Variants in MROH9 observed in about 807,000 individuals in gnomAD.
MROH9 encodes maestro heat-like repeat-containing protein family member 9.
In MROH9, 92 loss-of-function variants were observed where a neutral mutation model predicts 98.2. The ratio of observed to expected loss-of-function variants is 0.94; its 90% CI spans 0.79 to 1.11. The LOEUF (loss-of-function observed/expected upper bound fraction) is 1.11, where lower values mean the gene tolerates loss of function less well. Ranked by LOEUF, MROH9 falls within the 50% of genes most tolerant of loss-of-function variation. MROH9 has a pLI of 0.00. For missense variants in MROH9, 1,057 were observed against 1,014.8 expected, an observed-to-expected ratio of 1.04 and a Z score of -0.57; for synonymous variants, 397 against 368.9, an observed-to-expected ratio of 1.08 and a Z score of -0.87.
intron 21 of MROH9, among the ~76,000 whole-genome samples, 185 bp from the exon 22 acceptor site, chr1:171,063,914 T>C (rs1654086458): frequency 6.6e-6 from 1 of 152,162 alleles, no homozygotes. Flanking sequence ...TGTGGGGTTT[T>C]AGTAGGGATA....
At chr1:170,966,728 G>A (rs558589724) in intron 7 of MROH9, among the ~76,000 whole-genome samples, 172 of 152,100 alleles carry the variant, frequency 1.1e-3, no homozygotes, top group Middle Eastern at 3.4e-3. Flanking sequence ...GAGAGTGAGC[G>A]GCTTATTTCA....
At chr1:171,018,180 G>A (rs1652393127) in intron 17 of MROH9, among the ~76,000 whole-genome samples, 1 of 152,112 alleles carries the variant, frequency 6.6e-6, no homozygotes, top group Non-Finnish European at 1.5e-5. Flanking sequence ...GATCCCAGAG[G>A]AAGGAGCAGG....
intron 20 of MROH9, among the ~76,000 whole-genome samples, chr1:171,050,874 G>C (rs950680921): frequency 8.5e-5 from 13 of 152,112 alleles, no homozygotes; most frequent in African/African-American, 2.7e-4. Context: ...TCTCATGAAG[G>C]GAAGCTGGAT....
At chr1:170,987,204 G>A (rs777535944) in intron 10 of MROH9, among the ~76,000 whole-genome samples, 1 of 152,172 alleles carries the variant, frequency 6.6e-6, no homozygotes, top group East Asian at 1.9e-4. Context: ...CAATTTTAGA[G>A]AGTAAGTAAT....
At chr1:170,956,595 GT>G (rs5778690) in intron 3 of MROH9, among the ~76,000 whole-genome samples, 41,470 of 104,724 alleles carry the variant, frequency 0.4, 5,274 homozygotes, top group Middle Eastern at 0.53. Flanking sequence ...TTTTTTTTTT[GT>G]TTTTTTTTTT....
chr1:170,985,278 G>A (rs1358685832), intron 9 of MROH9, among the ~76,000 whole-genome samples: 3 of 152,120 alleles, frequency 2.0e-5, no homozygotes, highest in African/African-American at 7.2e-5. Flanking sequence ...GCCAAACATA[G>A]AGGAATAAAT....
chr1:171,029,724 G>C (rs7063322), intron 20 of MROH9, among the ~76,000 whole-genome samples: 3 of 152,046 alleles, frequency 2.0e-5, no homozygotes. Flanking sequence ...TTTTTGCATC[G>C]ATGTTCATCA....
At chr1:171,060,993 G>T (rs1653993108) in intron 20 of MROH9, among the ~76,000 whole-genome samples, 1 of 152,090 alleles carries the variant, frequency 6.6e-6, no homozygotes, top group Non-Finnish European at 1.5e-5. Context: ...AAACAGATTA[G>T]TACTTAGAAC....
intron 20 of MROH9, among the ~76,000 whole-genome samples, chr1:171,051,218 C>A (rs1653653974): frequency 6.6e-6 from 1 of 152,070 alleles, no homozygotes; most frequent in Non-Finnish European, 1.5e-5. Flanking sequence ...TACCGTTTGA[C>A]CCAACAATCT....
In MROH9 at chr1:170,998,546, T is replaced by A. The variant is rs936566122; in HGVS notation, c.1596+272T>A. ...AAAACTAATTATTTTTTAGGACCAGTTTATATATTTCTGCATGATTGTTAA... is the reference window on the plus strand; with the variant it reads ...AAAACTAATTATTTTTTAGGACCAGATTATATATTTCTGCATGATTGTTAA... On this transcript the variant is annotated intron_variant, in intron 15 of 21. Coordinates refer to ENST00000367759, the MANE Select transcript of MROH9 (RefSeq NM_001163629.2). The A allele has an allele frequency of 1.6e-5, 22 of 1,408,994 alleles. No homozygotes were observed. The African/African-American group carries it at 2.9e-4, about 19-fold the overall frequency. The allele number at this position is 1,408,994 out of a possible 1,614,324, so 87.3% of individuals were successfully genotyped here.
chr1:171,007,223 G>A (rs1277529257), intron 15 of MROH9, among the ~76,000 whole-genome samples: 1 of 152,140 alleles, frequency 6.6e-6, no homozygotes, highest in Non-Finnish European at 1.5e-5. Context: ...GTGGTTGGCT[G>A]GTCTGTTACC....
At chr1:171,058,602 A>G (rs1369507094) in intron 20 of MROH9, among the ~76,000 whole-genome samples, 2 of 152,166 alleles carry the variant, frequency 1.3e-5, no homozygotes, top group Admixed American at 6.5e-5. Context: ...TTATACTACA[A>G]GGCTACAGTA....
intron 20 of MROH9, among the ~76,000 whole-genome samples, chr1:171,052,915 C>T (rs1653715253): frequency 6.6e-6 from 1 of 152,024 alleles, no homozygotes. Flanking sequence ...GGAAGGATGG[C>T]CCATGCTTCT....
intron 7 of MROH9, among the ~76,000 whole-genome samples, chr1:170,970,702 C>CTG (rs3980698): frequency 0.088 from 10,396 of 118,334 alleles, 569 homozygotes; most frequent in Non-Finnish European, 0.11. Context: ...TTAGGAATTT[C>CTG]TGTGTGTGTG....
In MROH9 at chr1:171,014,141, C is replaced by G. The variant is rs756492522; in HGVS notation, c.1621C>G (p.Pro541Ala). The stretch of plus-strand genomic sequence containing the variant: ...GCTTCTGAATAACTTCTTCAAGGAC[C>G]CTTTACCAGAAGAATTTTTGGTCCT... ...TELLNNFFKD[P>A]LPEEFLVLFI... The change falls in exon 16 of 22, where the codon CCT becomes GCT. Residue 541 changes from proline (P) to alanine (A), a missense_variant. Pro to Ala is a conservative substitution (Grantham distance 27). Transcript: ENST00000367759. The G allele has an allele frequency of 1.2e-5, 18 of 1,550,690 alleles. No homozygotes were observed. In the South Asian group the frequency reaches 2.0e-4, roughly 17 times the overall value.
At position 170,998,180 on chromosome 1, in the gene MROH9, A is replaced by AG. The variant is rs746117257; in HGVS notation, c.1503dup (p.Phe502ValfsTer10). The AG allele has an allele frequency of 6.2e-7, 1 of 1,608,310 alleles. No homozygotes were observed. Among genetic ancestry groups the AG allele is most frequent in the Non-Finnish European group, 8.5e-7 (1 of 1,178,236 alleles). Reference sequence around the variant, plus strand: ...ACTCTCAGTGAATATAACTTTCCACAGTTTCCGGAGACCCTGAGTTATCTC... The same window carrying AG: ...ACTCTCAGTGAATATAACTTTCCACAGGTTTCCGGAGACCCTGAGTTATCTC... On this transcript the variant is annotated frameshift_variant, in exon 15 of 22. Transcript: ENST00000367759. LOFTEE classifies it high-confidence loss of function.
intron 7 of MROH9, among the ~76,000 whole-genome samples, chr1:170,969,604 CAGA>C: frequency 6.6e-6 from 1 of 152,116 alleles, no homozygotes; most frequent in Non-Finnish European, 1.5e-5. Context: ...GGGAGACTTC[CAGA>C]AGAAGCAGCT....
At chr1:170,959,709 T>C (rs1275984752) in intron 5 of MROH9, 112 bp downstream of exon 5, 11 of 949,422 alleles carry the variant, frequency 1.2e-5, no homozygotes, top group Non-Finnish European at 1.7e-5. Context: ...TCACTCTTTT[T>C]AGTTATAACA....
At chr1:170,970,978 A>T (rs906496068) in intron 7 of MROH9, among the ~76,000 whole-genome samples, 1 of 152,196 alleles carries the variant, frequency 6.6e-6, no homozygotes, top group Non-Finnish European at 1.5e-5. Context: ...TAGTTTGCCA[A>T]ATCTACATTT....
Sources: gnomAD v4.1 joint callset for allele counts (sites outside exome capture counted in the v4.1 genomes callset) on GRCh38, gnomAD v4.1.1 for gene constraint, MANE v1.5 for transcripts, NCBI Gene and HGNC (gene_info 2026-07-23, HGNC 2026-07-21) for gene names.